Variants in PRKN observed in about 807,000 individuals in gnomAD.
PRKN encodes parkin RBR E3 ubiquitin protein ligase.
PRKN carries 56 observed loss-of-function variants against 59.5 expected under a neutral mutation model. That is an observed-to-expected ratio of 0.94 (90% CI 0.76 to 1.18). The LOEUF is 1.18. Among genes scored for constraint, PRKN ranks in the 50% most tolerant of loss-of-function variants. The probability of loss-of-function intolerance (pLI) is 0.00; values close to 1 mark genes in which losing one functional copy is unlikely to be tolerated. For synonymous variants in PRKN, 250 were observed against 222.1 expected (o/e 1.13, Z -1.12); for missense variants, 657 against 596.4 (o/e 1.10, Z -1.06).
At chr6:161,697,320 C>T (rs530659651) in intron 7 of PRKN, among the ~76,000 whole-genome samples, 21 of 152,342 alleles carry the variant, frequency 1.4e-4, no homozygotes, top group African/African-American at 5.1e-4. Context: ...ATGGAATGCA[C>T]ACATTATAAT....
At position 161,562,016 on chromosome 6, in the gene PRKN, A is replaced by AAATC. The variant is rs1780473328; in HGVS notation, c.933+7335_933+7338dup. On this transcript the variant is annotated intron_variant, in intron 8 of 11. Transcript: ENST00000366898. This position sits in a 1 kb window ranked among gnomAD's most constrained non-coding sequence, Gnocchi z 4.3. ...GCAAACTCTCAGTAGCATTCAACAC[A>AAATC]AATCACCATTCCTCCTCTGGAAGGC... 6.6e-6 allele frequency among the ~76,000 whole-genome samples: 1 copy of AAATC among 151,970 alleles called. No homozygotes were observed. Among genetic ancestry groups the AAATC allele is most frequent in the Non-Finnish European group, 1.5e-5 (1 of 67,990 alleles).
At chr6:162,464,815 T>C (rs538369422) in intron 1 of PRKN, among the ~76,000 whole-genome samples, 122 of 149,294 alleles carry the variant, frequency 8.2e-4, no homozygotes, top group Middle Eastern at 6.9e-3. Context: ...GGCAACAGAG[T>C]GAGATTCCGT....
intron 6 of PRKN, among the ~76,000 whole-genome samples, chr6:161,961,042 T>C (rs1186209382): frequency 1.3e-5 from 2 of 152,162 alleles, no homozygotes; most frequent in Non-Finnish European, 2.9e-5. Flanking sequence ...ACATGCAAAA[T>C]ATCTAACAAA....
intron 6 of PRKN, among the ~76,000 whole-genome samples, chr6:161,937,651 C>T (rs902612870): frequency 1.3e-5 from 2 of 152,170 alleles, no homozygotes; most frequent in East Asian, 1.9e-4. Flanking sequence ...GACTATGTTA[C>T]GATTTCTAGA....
At chr6:162,435,994 T>C (rs907074050) in intron 2 of PRKN, among the ~76,000 whole-genome samples, 1 of 151,668 alleles carries the variant, frequency 6.6e-6, no homozygotes, top group Non-Finnish European at 1.5e-5. Context: ...TTATAGTCAA[T>C]AGAAAAAGCA....
At chr6:162,643,917 A>C (rs2128225109) in intron 1 of PRKN, 1 of 152,298 alleles carries the variant, frequency 6.6e-6, no homozygotes, top group Non-Finnish European at 1.5e-5. Flanking sequence ...AATTGTAGTC[A>C]GCAACACTGT....
At chr6:161,398,958 G>A (rs934318201) in intron 9 of PRKN, among the ~76,000 whole-genome samples, 1 of 152,162 alleles carries the variant, frequency 6.6e-6, no homozygotes, top group Non-Finnish European at 1.5e-5. Context: ...AGGCATTCCT[G>A]TTTTCACACC....
chr6:161,389,595 T>C (rs1228638100), intron 9 of PRKN, among the ~76,000 whole-genome samples: 1 of 152,206 alleles, frequency 6.6e-6, no homozygotes, highest in Non-Finnish European at 1.5e-5. Context: ...GTTCTAGGAT[T>C]TTCTCCTATT....
intron 4 of PRKN, among the ~76,000 whole-genome samples, chr6:162,063,805 G>A (rs1225890883): frequency 1.3e-5 from 2 of 152,158 alleles, no homozygotes; most frequent in Non-Finnish European, 1.5e-5. Flanking sequence ...TTGGCCTCCC[G>A]TAGTTCCGGG....
intron 9 of PRKN, among the ~76,000 whole-genome samples, chr6:161,403,474 C>T (rs1787134328): frequency 6.6e-6 from 1 of 152,152 alleles, no homozygotes; most frequent in Non-Finnish European, 1.5e-5. Flanking sequence ...GAAAAACGCT[C>T]ATGGGGTCGG....
intron 3 of PRKN, among the ~76,000 whole-genome samples, chr6:162,224,946 G>A (rs895640462): frequency 5.9e-5 from 9 of 152,194 alleles, no homozygotes; most frequent in African/African-American, 2.2e-4. Flanking sequence ...AACTCCTGGT[G>A]TTCTTGGGAG....
At position 161,957,782 on chromosome 6, in the gene PRKN, C is replaced by T. The variant is rs190339989; in HGVS notation, c.734+15520G>A. Among the ~76,000 whole-genome samples the T allele has an allele frequency of 4.9e-4, 75 of 152,196 alleles. 1 individual carries two copies. The East Asian group carries it at 0.013, about 26-fold the overall frequency. On this transcript the variant is annotated intron_variant, in intron 6 of 11. Transcript: ENST00000366898. Reference sequence around the variant, plus strand: ...CACCATGCCATGTTTCTGACAGTATCGCTAGACACCACTCCAGACCACCAG... The same window carrying T: ...CACCATGCCATGTTTCTGACAGTATTGCTAGACACCACTCCAGACCACCAG...
At chr6:161,831,836 T>G (rs1792510802) in intron 6 of PRKN, among the ~76,000 whole-genome samples, 1 of 152,172 alleles carries the variant, frequency 6.6e-6, no homozygotes, top group African/African-American at 2.4e-5. Flanking sequence ...GCCACAGCCC[T>G]TTCCTACTAC....
Position 161,388,157 on chromosome 6 carries a change from T to C in PRKN, c.1084-1280A>G, listed in dbSNP as rs536669360. Among the ~76,000 whole-genome samples, 21 of 152,210 alleles carry C rather than the reference T, an allele frequency of 1.4e-4. No homozygotes were observed. Among genetic ancestry groups the C allele is most frequent in the African/African-American group, 4.8e-4 (20 of 41,524 alleles). On this transcript the variant is annotated intron_variant, in intron 9 of 11. Coordinates refer to ENST00000366898, the MANE Select transcript of PRKN (RefSeq NM_004562.3). This position sits in a 1 kb window ranked among gnomAD's most constrained non-coding sequence, Gnocchi z 4.3. ...ACACCAGACTGGAGTCATCATCCCA[T>C]CCCCTGCCACCTGAAACACCTTGGG...
chr6:161,532,166 C>CTATATATATATA (rs200674940), intron 9 of PRKN, among the ~76,000 whole-genome samples: 1 of 115,420 alleles, frequency 8.7e-6, no homozygotes, highest in Non-Finnish European at 1.8e-5. Flanking sequence ...CTCTCTCTCT[C>CTATATATATATA]TATATATATA....
intron 1 of PRKN, among the ~76,000 whole-genome samples, chr6:162,526,991 T>C (rs948640701): frequency 6.6e-6 from 1 of 151,784 alleles, no homozygotes; most frequent in African/African-American, 2.4e-5. Context: ...GTGTGAGGCT[T>C]GAGCTTTTCT....
intron 2 of PRKN, among the ~76,000 whole-genome samples, chr6:162,263,814 C>T (rs1213411542): frequency 1.3e-5 from 2 of 151,930 alleles, no homozygotes; most frequent in Non-Finnish European, 2.9e-5. Context: ...ATTAGCTGGG[C>T]GTGTTAGCGT....
At chr6:162,129,430 G>A (rs1045600193) in intron 4 of PRKN, among the ~76,000 whole-genome samples, 3 of 152,068 alleles carry the variant, frequency 2.0e-5, no homozygotes, top group African/African-American at 4.8e-5. Flanking sequence ...ACATAGATGA[G>A]GCAGAACTAA....
rs543858238 is a variant in PRKN at position 162,192,307 on chromosome 6, G to C, written c.534+8824C>G. On this transcript the variant is annotated intron_variant, in intron 4 of 11. Transcript: ENST00000366898. ...ATAAAAAGTAAGTAATACTGGCTTG[G>C]TGTACCTCATTGCCATAATGATATG... Among the ~76,000 whole-genome samples the C allele has an allele frequency of 6.6e-5, 10 of 152,000 alleles. No homozygotes were observed. In the South Asian group the frequency reaches 2.1e-3, roughly 32 times the overall value.
Sources: allele counts gnomAD v4.1 joint callset (sites outside exome capture counted in the v4.1 genomes callset), GRCh38; gene constraint gnomAD v4.1.1; non-coding constraint Gnocchi (gnomAD v3.1); transcripts MANE v1.5; gene names NCBI Gene and HGNC (gene_info 2026-07-23, HGNC 2026-07-21).